SKAP1: variants seen among roughly 807,000 people sequenced by gnomAD.
The protein encoded by SKAP1 is src kinase associated phosphoprotein 1, also known as src kinase-associated phosphoprotein 1.
In SKAP1, 44 loss-of-function variants were observed where a neutral mutation model predicts 58.5. The ratio of observed to expected loss-of-function variants is 0.75; its 90% confidence interval spans 0.59 to 0.97. The LOEUF (loss-of-function observed/expected upper bound fraction) is 0.97, where lower values mean the gene tolerates loss of function less well. Ranked by LOEUF, SKAP1 falls within the 50% of genes least tolerant of loss-of-function variation. The pLI is 0.00. For missense variants in SKAP1, 390 were observed against 435.2 expected (o/e 0.90, Z 0.92); for synonymous variants, 127 against 149.7 (o/e 0.85, Z 1.11).
intron 2 of SKAP1, among the ~76,000 whole-genome samples, chr17:48,374,817 C>G (rs938445934): frequency 6.6e-6 from 1 of 152,186 alleles, no homozygotes; most frequent in Admixed American, 6.5e-5. Context: ...CACCCAACAA[C>G]AGAAATGGGA....
intron 4 of SKAP1, among the ~76,000 whole-genome samples, chr17:48,215,376 T>G (rs748737196): frequency 6.6e-6 from 1 of 152,234 alleles, no homozygotes; most frequent in Non-Finnish European, 1.5e-5. Flanking sequence ...CATAGCCTTG[T>G]GATTTGGCTT....
intron 4 of SKAP1, among the ~76,000 whole-genome samples, chr17:48,314,966 G>C (rs2066269143): frequency 6.6e-6 from 1 of 152,080 alleles, no homozygotes; most frequent in Non-Finnish European, 1.5e-5. Context: ...AAGGGCCTTT[G>C]TTAATATATA....
chr17:48,348,290 C>T (rs2066749793), intron 3 of SKAP1, among the ~76,000 whole-genome samples: 1 of 148,260 alleles, frequency 6.7e-6, no homozygotes. Flanking sequence ...TGCAGTGAGC[C>T]ATGACTGTGC....
intron 4 of SKAP1, among the ~76,000 whole-genome samples, chr17:48,201,028 A>T (rs1198009392): frequency 6.6e-6 from 1 of 152,194 alleles, no homozygotes; most frequent in Non-Finnish European, 1.5e-5. Context: ...AGTCACAAAC[A>T]GTCATTTTTG....
chr17:48,444,391 A>G, the SKAP1 span, among the ~76,000 whole-genome samples: 2 of 152,250 alleles, frequency 1.3e-5, no homozygotes, highest in Admixed American at 1.3e-4. Flanking sequence ...CTCCGTCTCA[A>G]AAAAACCCAC....
At chr17:48,313,991 T>A (rs2066257607) in intron 4 of SKAP1, among the ~76,000 whole-genome samples, 7 of 152,218 alleles carry the variant, frequency 4.6e-5, no homozygotes. Context: ...AAACTAAGGT[T>A]GATGGAAACT....
intron 1 of SKAP1, among the ~76,000 whole-genome samples, chr17:48,424,979 G>A (rs1280888610): frequency 1.3e-5 from 2 of 151,374 alleles, no homozygotes; most frequent in Admixed American, 1.3e-4. Flanking sequence ...CCTCAGTAAG[G>A]CCAGGCGGGG....
At chr17:48,386,741 G>A (rs1009198174) in intron 2 of SKAP1, among the ~76,000 whole-genome samples, 1 of 152,210 alleles carries the variant, frequency 6.6e-6, no homozygotes, top group Non-Finnish European at 1.5e-5. Flanking sequence ...CAGGAGCAGG[G>A]AAGGGAAGCT....
upstream of SKAP1, among the ~76,000 whole-genome samples, chr17:48,435,019 C>G (rs944317809): frequency 7.2e-5 from 11 of 152,108 alleles, no homozygotes; most frequent in African/African-American, 2.4e-4. Flanking sequence ...GGCATGGTGG[C>G]ATAAGCCTGT....
intron 1 of SKAP1, among the ~76,000 whole-genome samples, chr17:48,424,033 G>A (rs1258111612): frequency 4.6e-5 from 7 of 152,102 alleles, no homozygotes; most frequent in Non-Finnish European, 8.8e-5. Context: ...CATTTGAGCT[G>A]CTATAACAAA....
At chr17:48,181,809 T>C (rs1010460223) in intron 8 of SKAP1, among the ~76,000 whole-genome samples, 3 of 152,324 alleles carry the variant, frequency 2.0e-5, no homozygotes, top group African/African-American at 7.2e-5. Flanking sequence ...CTGGCCATTG[T>C]TTCTGCTTTG....
At chr17:48,138,314 C>G (rs927759148) in intron 11 of SKAP1, among the ~76,000 whole-genome samples, 1 of 151,848 alleles carries the variant, frequency 6.6e-6, no homozygotes, top group Non-Finnish European at 1.5e-5. Flanking sequence ...AAGCAATTCT[C>G]CTGTCTCAAC....
chr17:48,307,677 C>A (rs1179359833), intron 4 of SKAP1: 2 of 152,100 alleles, frequency 1.3e-5, no homozygotes, highest in African/African-American at 4.8e-5. Context: ...AAAAATATGT[C>A]TCTGGGATTT....
chr17:48,313,424 A>T (rs2144188498), intron 4 of SKAP1, among the ~76,000 whole-genome samples: 1 of 152,290 alleles, frequency 6.6e-6, no homozygotes, highest in Non-Finnish European at 1.5e-5. Flanking sequence ...ATTATCATAG[A>T]ACACTTTCAG....
intron 12 of SKAP1, among the ~76,000 whole-genome samples, chr17:48,136,749 A>G (rs1337582202): frequency 7.0e-6 from 1 of 143,712 alleles, no homozygotes; most frequent in African/African-American, 2.6e-5. Context: ...ATCTCGGCTC[A>G]CTGCAACCTC....
chr17:48,413,255 C>T (rs1036044266), intron 1 of SKAP1, among the ~76,000 whole-genome samples: 2 of 151,722 alleles, frequency 1.3e-5, no homozygotes, highest in African/African-American at 2.4e-5. Context: ...TAGCTCACGC[C>T]TGTAATCCCA....
At chr17:48,207,683 CTCTT>C (rs1235529830) in intron 4 of SKAP1, among the ~76,000 whole-genome samples, 1 of 152,088 alleles carries the variant, frequency 6.6e-6, no homozygotes, top group African/African-American at 2.4e-5. Flanking sequence ...AGCAGGAGGT[CTCTT>C]TCCACTGGAG....
At chr17:48,224,549 T>C (rs749806728) in intron 4 of SKAP1, among the ~76,000 whole-genome samples, 3 of 152,236 alleles carry the variant, frequency 2.0e-5, no homozygotes, top group Non-Finnish European at 4.4e-5. Context: ...ATTCCATTTT[T>C]CAAATAGAAT....
At chr17:48,358,066 C>G (rs901956529) in intron 3 of SKAP1, among the ~76,000 whole-genome samples, 8 of 152,100 alleles carry the variant, frequency 5.3e-5, no homozygotes, top group Non-Finnish European at 1.0e-4. Flanking sequence ...TTGAGATAGT[C>G]TAGGTTCAAA....
Sources: gnomAD v4.1 joint callset for allele counts (sites outside exome capture counted in the v4.1 genomes callset) on GRCh38, gnomAD v4.1.1 for gene constraint, MANE v1.5 for transcripts, NCBI Gene and HGNC (gene_info 2026-07-23, HGNC 2026-07-21) for gene names.